The following SNX25 variants were observed in gnomAD, a reference collection of about 807,000 sequenced individuals.
SNX25 encodes the protein sorting nexin 25.
SNX25 carries 62 observed loss-of-function variants against 113.7 expected under a neutral mutation model. The ratio of observed to expected loss-of-function variants is 0.55; its 90% CI spans 0.44 to 0.67. The LOEUF (loss-of-function observed/expected upper bound fraction) is 0.67. SNX25 is among the 30% of genes least tolerant of loss of function. SNX25 has a pLI of 0.00. For synonymous variants in SNX25, 421 were observed against 436.2 expected, an observed-to-expected ratio of 0.97 and a Z score of 0.43; for missense variants, 1,014 against 1,161.0, an observed-to-expected ratio of 0.87 and a Z score of 1.84.
intron 1 of SNX25, among the ~76,000 whole-genome samples, chr4:185,243,467 G>A (rs748210726): frequency 1.3e-5 from 2 of 152,138 alleles, no homozygotes; most frequent in East Asian, 1.9e-4. Flanking sequence ...AAAACATAGC[G>A]GGACACACAC....
chr4:185,373,354 G>A (rs1221099396), downstream of SNX25, among the ~76,000 whole-genome samples: 1 of 152,120 alleles, frequency 6.6e-6, no homozygotes, highest in Non-Finnish European at 1.5e-5. Flanking sequence ...CAGGATTTGG[G>A]GATCTTCAGA....
the SNX25 span, chr4:185,376,791 A>G: frequency 1.5e-6 from 1 of 675,896 alleles, no homozygotes; most frequent in South Asian, 1.8e-5. Context: ...GCCATAGTCG[A>G]TGTAATTGGA....
chr4:185,299,705 G>A (rs1380877779), intron 6 of SNX25, among the ~76,000 whole-genome samples: 2 of 152,204 alleles, frequency 1.3e-5, no homozygotes, highest in African/African-American at 2.4e-5. Flanking sequence ...CTGGCCAAGT[G>A]TAGGAATTCT....
Position 185,310,628 on chromosome 4 carries a change from A to G in SNX25, c.1163-7A>G, listed in dbSNP as rs748677608. 37 of 1,611,862 alleles carry G rather than the reference A, an allele frequency of 2.3e-5. No individual in the cohort carries two copies. Among genetic ancestry groups the G allele is most frequent in the Admixed American group, 3.3e-5 (2 of 59,846 alleles). On this transcript the variant is annotated splice_polypyrimidine_tract_variant and splice_region_variant and intron_variant, in intron 6 of 18. Coordinates refer to ENST00000652585, the MANE Select transcript of SNX25 (RefSeq NM_001378034.2). ...TGACCAGGTACTGTTTCTCACTCCT[A>G]TTCAAGGTAAAGAAACTGCGGCAAT...
chr4:185,371,350 T>C (rs112861423), downstream of SNX25, among the ~76,000 whole-genome samples: 471 of 152,004 alleles, frequency 3.1e-3, 3 homozygotes, highest in East Asian at 0.028. Flanking sequence ...CCATCCTGGC[T>C]AACATGGTGA....
At chr4:185,332,304 CCT>C (rs1469404527) in intron 9 of SNX25, among the ~76,000 whole-genome samples, 1 of 152,086 alleles carries the variant, frequency 6.6e-6, no homozygotes, top group Non-Finnish European at 1.5e-5. Context: ...AGTTGCCGTC[CCT>C]TGTTCTATGC....
At chr4:185,300,361 G>A (rs1453139177) in intron 6 of SNX25, among the ~76,000 whole-genome samples, 2 of 150,794 alleles carry the variant, frequency 1.3e-5, no homozygotes, top group Non-Finnish European at 3.0e-5. Context: ...TAGAGATGGG[G>A]TTTCATCATG....
chr4:185,227,724 A>G (rs751045799), intron 1 of SNX25, among the ~76,000 whole-genome samples: 1 of 152,142 alleles, frequency 6.6e-6, no homozygotes, highest in African/African-American at 2.4e-5. Context: ...CATGTTGGCC[A>G]TGTAGATTTT....
intron 1 of SNX25, among the ~76,000 whole-genome samples, chr4:185,219,703 A>G (rs1350232985): frequency 6.6e-6 from 1 of 152,022 alleles, no homozygotes; most frequent in Non-Finnish European, 1.5e-5. Context: ...GGCTGCTGGG[A>G]TCAAGCCAGG....
chr4:185,263,570 G>A (rs1747619856), intron 3 of SNX25, among the ~76,000 whole-genome samples: 1 of 152,074 alleles, frequency 6.6e-6, no homozygotes, highest in Admixed American at 6.5e-5. Context: ...AGTCTCCAGT[G>A]CAAAATAAAT....
rs528053867 is a variant in SNX25, at chr4:185,239,030, C to G, written c.430-8264C>G. On this transcript the variant is annotated intron_variant, in intron 1 of 18. Coordinates refer to ENST00000652585, the MANE Select transcript of SNX25 (RefSeq NM_001378034.2). ...CCTGGCTTCTCTCTAGATGTTGTTT[C>G]CTCATAAGAGGGTCTGTAGTAGCCT... 8.3e-4 allele frequency among the ~76,000 whole-genome samples: 126 copies of G among 152,230 alleles called. 1 individual carries two copies. Among genetic ancestry groups the G allele is most frequent in the African/African-American group, 2.8e-3 (117 of 41,518 alleles).
chr4:185,251,355 C>T (rs1239899217), intron 2 of SNX25, among the ~76,000 whole-genome samples: 2 of 152,166 alleles, frequency 1.3e-5, no homozygotes, highest in Non-Finnish European at 2.9e-5. Flanking sequence ...GAACTGTTTT[C>T]ATCTTGCAAA....
intron 2 of SNX25, among the ~76,000 whole-genome samples, chr4:185,252,726 A>G (rs1408188851): frequency 1.3e-5 from 2 of 152,196 alleles, no homozygotes; most frequent in South Asian, 2.1e-4. Flanking sequence ...GTAGCTCAGT[A>G]TAAGTTAGGA....
intron 1 of SNX25, among the ~76,000 whole-genome samples, chr4:185,245,793 G>C (rs1307156708): frequency 6.6e-6 from 1 of 152,098 alleles, no homozygotes; most frequent in Non-Finnish European, 1.5e-5. Flanking sequence ...TTCCATGAAG[G>C]TATATATGTA....
intron 11 of SNX25, among the ~76,000 whole-genome samples, chr4:185,369,324 TCTC>T (rs916452286): frequency 9.3e-5 from 14 of 150,574 alleles, no homozygotes; most frequent in African/African-American, 3.4e-4. Flanking sequence ...TTGAAGCAAT[TCTC>T]CTGCCTCAGC....
chr4:185,283,109 C>G (rs762565068), intron 5 of SNX25, among the ~76,000 whole-genome samples: 2 of 152,196 alleles, frequency 1.3e-5, no homozygotes, highest in Non-Finnish European at 2.9e-5. Flanking sequence ...GTCAGAAGGT[C>G]TGGTGAGTAC....
intron 9 of SNX25, among the ~76,000 whole-genome samples, chr4:185,329,096 G>A (rs1239719251): frequency 6.6e-6 from 1 of 151,994 alleles, no homozygotes; most frequent in Non-Finnish European, 1.5e-5. Flanking sequence ...GGGAGGGTTG[G>A]GATCTAAGGT....
intron 1 of SNX25, among the ~76,000 whole-genome samples, chr4:185,211,419 G>A (rs1040204274): frequency 1.3e-5 from 2 of 152,132 alleles, no homozygotes; most frequent in Non-Finnish European, 2.9e-5. Context: ...TTAGCCATCC[G>A]TTTTTCATAT....
intron 6 of SNX25, among the ~76,000 whole-genome samples, chr4:185,292,783 T>G (rs190207514): frequency 1.5e-4 from 23 of 152,184 alleles, no homozygotes; most frequent in African/African-American, 5.5e-4. Flanking sequence ...ATTATCCAGG[T>G]GTGGTGGTGC....
Sources: allele counts gnomAD v4.1 joint callset (sites outside exome capture counted in the v4.1 genomes callset), GRCh38; gene constraint gnomAD v4.1.1; transcripts MANE v1.5; gene names NCBI Gene and HGNC (gene_info 2026-07-23, HGNC 2026-07-21).